DAD1: variants seen among roughly 807,000 people sequenced by gnomAD.
DAD1 encodes the protein defender against cell death 1.
A neutral mutation model predicts 9.0 loss-of-function variants in DAD1; 4 were observed. That is an observed-to-expected ratio of 0.44 (90% CI 0.22 to 1.01). DAD1 has a LOEUF of 1.01. Among genes scored for constraint, DAD1 ranks in the 50% least tolerant of loss-of-function variants. The probability of loss-of-function intolerance (pLI) is 0.24; values close to 1 mark genes in which losing one functional copy is unlikely to be tolerated. For missense variants in DAD1, 119 were observed against 137.3 expected (o/e 0.87, Z 0.67); for synonymous variants, 60 against 62.5 (o/e 0.96, Z 0.19).
chr14:22,581,001 C>G (rs985782731), intron 1 of DAD1, among the ~76,000 whole-genome samples: 1 of 152,210 alleles, frequency 6.6e-6, no homozygotes, highest in African/African-American at 2.4e-5. Context: ...TCCCTGGGCA[C>G]TTCCAAAGAT....
At chr14:22,583,587 G>C (rs1304868637) in intron 1 of DAD1, among the ~76,000 whole-genome samples, 1 of 152,132 alleles carries the variant, frequency 6.6e-6, no homozygotes, top group African/African-American at 2.4e-5. Flanking sequence ...TGGGATGGTA[G>C]CTAGAAGATT....
At chr14:22,588,552 C>T (rs2037169613) in intron 1 of DAD1, among the ~76,000 whole-genome samples, 2 of 152,180 alleles carry the variant, frequency 1.3e-5, no homozygotes, top group African/African-American at 4.8e-5. Context: ...AAACGTTTCA[C>T]CGGAGATTGG....
At chr14:22,576,296 C>T (rs967647424) in intron 1 of DAD1, among the ~76,000 whole-genome samples, 1 of 149,324 alleles carries the variant, frequency 6.7e-6, no homozygotes, top group Admixed American at 6.6e-5. Flanking sequence ...TTAAGAAACA[C>T]ACAAAAACCC....
At chr14:22,578,024 C>G (rs532591895) in intron 1 of DAD1, among the ~76,000 whole-genome samples, 1 of 146,092 alleles carries the variant, frequency 6.8e-6, no homozygotes, top group East Asian at 2.1e-4. Context: ...GAGGCCGAGG[C>G]AGGCGGATCA....
chr14:22,571,457 A>C (rs148676262), intron 2 of DAD1, among the ~76,000 whole-genome samples: 150,358 of 152,132 alleles, frequency 0.99, 74,318 homozygotes, highest in Middle Eastern at 1. Context: ...CACCTACACA[A>C]CAAAAACTGA....
intron 2 of DAD1, among the ~76,000 whole-genome samples, chr14:22,570,222 G>A (rs1279250007): frequency 6.6e-6 from 1 of 151,902 alleles, no homozygotes; most frequent in Non-Finnish European, 1.5e-5. Context: ...AAAAGACGTA[G>A]AACAAACCAA....
intron 1 of DAD1, among the ~76,000 whole-genome samples, chr14:22,584,754 C>G (rs1003703016): frequency 6.6e-6 from 1 of 152,094 alleles, no homozygotes; most frequent in Non-Finnish European, 1.5e-5. Context: ...GAAGCCAGAT[C>G]ATGAAAGAGC....
chr14:22,581,610 G>A (rs1473298925), intron 1 of DAD1, among the ~76,000 whole-genome samples: 1 of 151,994 alleles, frequency 6.6e-6, no homozygotes, highest in African/African-American at 2.4e-5. Flanking sequence ...AGGCTTGGTG[G>A]TGCATGCCTG....
At chr14:22,567,725 G>T (rs2037010660) in intron 2 of DAD1, among the ~76,000 whole-genome samples, 1 of 152,224 alleles carries the variant, frequency 6.6e-6, no homozygotes, top group Non-Finnish European at 1.5e-5. Flanking sequence ...GGGCGGTGCA[G>T]ACCCTGAATG....
chr14:22,570,059 G>A (rs1594879706), intron 2 of DAD1, among the ~76,000 whole-genome samples: 1 of 152,160 alleles, frequency 6.6e-6, no homozygotes, highest in East Asian at 1.9e-4. Context: ...TCCTACAAAT[G>A]TAGGACAGTT....
intron 2 of DAD1, among the ~76,000 whole-genome samples, chr14:22,568,794 C>T (rs2037018376): frequency 6.6e-6 from 1 of 151,668 alleles, no homozygotes; most frequent in African/African-American, 2.4e-5. Flanking sequence ...ACCTCCCACG[C>T]TCAAGCAATC....
intron 2 of DAD1, among the ~76,000 whole-genome samples, chr14:22,570,589 T>C (rs557589466): frequency 5.3e-5 from 8 of 152,208 alleles, no homozygotes; most frequent in Non-Finnish European, 1.0e-4. Context: ...GCCCACAGAA[T>C]AACATCAAGT....
chr14:22,565,150 A>G lies in DAD1; in HGVS notation c.*45-13T>C. The G allele has an allele frequency of 1.4e-6, 1 of 702,316 alleles. No homozygotes were observed. The highest frequency in any genetic ancestry group is 2.6e-6 in the Non-Finnish European group (1 of 384,800). 43.5% of individuals were successfully genotyped at this position (702,316 alleles called of 1,614,324 possible). On this transcript the variant is annotated splice_polypyrimidine_tract_variant and intron_variant, in intron 2 of 2. Transcript: ENST00000250498. ...TCAAAGAGTGAACCTAGAAGAAAAA[A>G]GCAGCAAGGTTAAATGTCTTATGAT...
Position 22,575,212 on chromosome 14 carries a change from T to C in DAD1, c.233A>G (p.Asn78Ser), listed in dbSNP as rs1349901346. ...TTGGAAATCCGCTTTGTTCTGTGGGTTGATCTGTATTCTCAGGCAAACTGC... is the reference window on the plus strand; with the variant it reads ...TTGGAAATCCGCTTTGTTCTGTGGGCTGATCTGTATTCTCAGGCAAACTGC... ...ILAVCLRIQI[N>S]PQNKADFQGI... The change falls in exon 2 of 3, where the codon AAC becomes AGC. Residue 78 changes from asparagine to serine, a missense_variant. Physicochemically the swap from Asn to Ser is conservative, Grantham distance 46. Transcript: ENST00000250498. The C allele has an allele frequency of 2.1e-5, 34 of 1,613,924 alleles. No individual in the cohort carries two copies. The highest frequency in any genetic ancestry group is 2.9e-5 in the Non-Finnish European group (34 of 1,180,012).
intron 1 of DAD1, among the ~76,000 whole-genome samples, chr14:22,584,862 A>G (rs2037141845): frequency 6.6e-6 from 1 of 152,266 alleles, no homozygotes; most frequent in African/African-American, 2.4e-5. Context: ...AAGCCTGCAA[A>G]CACAATAGAA....
At chr14:22,580,390 G>A (rs57335086) in intron 1 of DAD1, among the ~76,000 whole-genome samples, 2,616 of 151,704 alleles carry the variant, frequency 0.017, 71 homozygotes, top group African/African-American at 0.059. Flanking sequence ...TCATGCCACC[G>A]CACTCTGGCC....
chr14:22,574,337 G>C (rs1183531309), intron 2 of DAD1, among the ~76,000 whole-genome samples: 1 of 152,084 alleles, frequency 6.6e-6, no homozygotes, highest in South Asian at 2.1e-4. Flanking sequence ...GCTTGGGAGG[G>C]AGCGATTTAG....
intron 2 of DAD1, among the ~76,000 whole-genome samples, chr14:22,573,609 C>G (rs568255112): frequency 2.4e-4 from 36 of 148,830 alleles, no homozygotes; most frequent in African/African-American, 8.4e-4. Context: ...ACTCGGGAGG[C>G]TGAGGCAGGA....
At chr14:22,575,292 A>AC in intron 1 of DAD1, 59 bp from the exon 2 acceptor site, 1 of 1,578,718 alleles carries the variant, frequency 6.3e-7, no homozygotes, top group Non-Finnish European at 8.6e-7. Flanking sequence ...TAAATATGCT[A>AC]ATGAACACAG....
Sources: allele counts gnomAD v4.1 joint callset (sites outside exome capture counted in the v4.1 genomes callset), GRCh38; gene constraint gnomAD v4.1.1; transcripts MANE v1.5; gene names NCBI Gene and HGNC (gene_info 2026-07-23, HGNC 2026-07-21).